Variants in RAB3C observed in about 807,000 individuals in gnomAD.
RAB3C encodes the protein RAB3C, member RAS oncogene family.
RAB3C carries 17 observed loss-of-function variants against 26.4 expected under a neutral mutation model. The ratio of observed to expected loss-of-function variants is 0.64; its 90% CI spans 0.44 to 0.97. RAB3C has a LOEUF of 0.97. RAB3C is among the 50% of genes least tolerant of loss of function. The pLI is 0.00. For missense variants in RAB3C, 242 were observed against 281.9 expected, an observed-to-expected ratio of 0.86 and a Z score of 1.01; for synonymous variants, 91 against 95.9, an observed-to-expected ratio of 0.95 and a Z score of 0.30.
chr5:58,620,426 A>T (rs1034402072), intron 2 of RAB3C, among the ~76,000 whole-genome samples: 1 of 152,230 alleles, frequency 6.6e-6, no homozygotes, highest in African/African-American at 2.4e-5. Flanking sequence ...GAAGTACAAT[A>T]CAAAGATTTT....
In RAB3C at chr5:58,745,413, AAAAAAAG is replaced by A. The variant is rs1364599558; in HGVS notation, c.371+19297_371+19303del. The stretch of plus-strand genomic sequence containing the variant: ...GCTTCAAAAAAAAAAAAAAAAAAAA[AAAAAAAG>A]AAAGTAGATGGGGTATAATAAGCCC... On this transcript the variant is annotated intron_variant, in intron 3 of 4. Coordinates refer to ENST00000282878, the MANE Select transcript of RAB3C (RefSeq NM_138453.4). Among the ~76,000 whole-genome samples, 442 of 150,448 alleles carry A rather than the reference AAAAAAAG, an allele frequency of 2.9e-3. 7 individuals are homozygous for A. Among genetic ancestry groups the A allele is most frequent in the African/African-American group, 0.01 (414 of 40,582 alleles).
intron 2 of RAB3C, among the ~76,000 whole-genome samples, chr5:58,642,828 A>G (rs1234004662): frequency 2.0e-5 from 3 of 152,236 alleles, no homozygotes; most frequent in Non-Finnish European, 4.4e-5. Flanking sequence ...AATCCCTGCA[A>G]AGCTAATGAA....
chr5:58,583,334 T>G, intron 1 of RAB3C, 102 bp downstream of exon 1: 2 of 1,579,608 alleles, frequency 1.3e-6, no homozygotes, highest in Non-Finnish European at 1.7e-6. Context: ...GTCTAGGCGG[T>G]CACCCGCGGA....
chr5:58,825,354 C>T (rs376618142), intron 4 of RAB3C, among the ~76,000 whole-genome samples, 192 bp downstream of exon 4: 4 of 152,036 alleles, frequency 2.6e-5, no homozygotes, highest in Admixed American at 6.6e-5. Context: ...AGAGCTCAAG[C>T]GCAATTACAG....
intron 3 of RAB3C, among the ~76,000 whole-genome samples, chr5:58,730,875 A>G (rs1404978592): frequency 6.6e-6 from 1 of 152,146 alleles, no homozygotes; most frequent in African/African-American, 2.4e-5. Flanking sequence ...ATTGACTCAC[A>G]GTTCCACATG....
At chr5:58,703,474 G>T (rs978338682) in intron 2 of RAB3C, among the ~76,000 whole-genome samples, 1 of 152,128 alleles carries the variant, frequency 6.6e-6, no homozygotes, top group African/African-American at 2.4e-5. Context: ...GAGCCACCGC[G>T]TCTGGCCATG....
chr5:58,639,343 G>A (rs943216260), intron 2 of RAB3C, among the ~76,000 whole-genome samples: 1 of 152,076 alleles, frequency 6.6e-6, no homozygotes, highest in Non-Finnish European at 1.5e-5. Context: ...GTCTTAGTCA[G>A]CTTGGGCTGC....
chr5:58,824,114 C>G (rs1262806333), intron 3 of RAB3C, among the ~76,000 whole-genome samples: 5 of 151,018 alleles, frequency 3.3e-5, no homozygotes, highest in African/African-American at 4.9e-5. Context: ...TTTTCTTAAT[C>G]CAGTCTATCA....
chr5:58,622,293 G>T (rs775730280), intron 2 of RAB3C, among the ~76,000 whole-genome samples: 40 of 152,004 alleles, frequency 2.6e-4, no homozygotes, highest in Non-Finnish European at 5.9e-5. Context: ...GTGTGCTCTG[G>T]ATTGGTTGGT....
intron 2 of RAB3C, among the ~76,000 whole-genome samples, chr5:58,636,047 G>A (rs945442388): frequency 6.6e-6 from 1 of 152,210 alleles, no homozygotes; most frequent in African/African-American, 2.4e-5. Flanking sequence ...TTAATTACCT[G>A]TTTGACTCAT....
intron 2 of RAB3C, among the ~76,000 whole-genome samples, chr5:58,642,143 T>A (rs780580188): frequency 6.6e-6 from 1 of 152,260 alleles, no homozygotes; most frequent in Non-Finnish European, 1.5e-5. Context: ...GAGCTGCATT[T>A]GCTGTCAGCC....
At chr5:58,623,416 T>C (rs533456800) in intron 2 of RAB3C, among the ~76,000 whole-genome samples, 1 of 152,318 alleles carries the variant, frequency 6.6e-6, no homozygotes, top group South Asian at 2.1e-4. Context: ...GCAAGCTTCT[T>C]AAGAAAACCA....
intron 4 of RAB3C, among the ~76,000 whole-genome samples, chr5:58,827,052 C>A (rs1743497746): frequency 1.3e-5 from 2 of 152,256 alleles, no homozygotes; most frequent in Admixed American, 1.3e-4. Flanking sequence ...TGTACGGTCT[C>A]CTGTGGCAGC....
intron 4 of RAB3C, among the ~76,000 whole-genome samples, chr5:58,835,632 C>T (rs1743729978): frequency 6.6e-6 from 1 of 152,186 alleles, no homozygotes; most frequent in Non-Finnish European, 1.5e-5. Context: ...TTCTCATTCA[C>T]ACAAACTTGC....
chr5:58,841,488 A>C (rs946182605), intron 4 of RAB3C, among the ~76,000 whole-genome samples: 2 of 152,138 alleles, frequency 1.3e-5, no homozygotes, highest in Non-Finnish European at 2.9e-5. Flanking sequence ...GGTGGACCCC[A>C]GAGGTAGCTC....
At chr5:58,697,116 C>G (rs577126205) in intron 2 of RAB3C, among the ~76,000 whole-genome samples, 1 of 152,248 alleles carries the variant, frequency 6.6e-6, no homozygotes, top group Admixed American at 6.5e-5. Flanking sequence ...GGTTCTGGTA[C>G]GTTGTGTCTT....
intron 1 of RAB3C, among the ~76,000 whole-genome samples, chr5:58,596,760 A>G (rs1424720582): frequency 9.7e-6 from 1 of 103,122 alleles, no homozygotes; most frequent in Non-Finnish European, 1.7e-5. Flanking sequence ...CATAATATAT[A>G]AATATATAAT....
chr5:58,831,801 C>G (rs1423364), intron 4 of RAB3C, among the ~76,000 whole-genome samples: 82,592 of 151,854 alleles, frequency 0.54, 22,871 homozygotes, highest in Middle Eastern at 0.72. Flanking sequence ...AAACCCAAGG[C>G]GGGGACAAGG....
At chr5:58,761,648 G>A (rs292964) in intron 3 of RAB3C, among the ~76,000 whole-genome samples, 55,038 of 151,892 alleles carry the variant, frequency 0.36, 10,278 homozygotes, top group East Asian at 0.49. Flanking sequence ...CCACACACAT[G>A]TACACACTCA....
Sources: gnomAD v4.1 joint callset for allele counts (sites outside exome capture counted in the v4.1 genomes callset) on GRCh38, gnomAD v4.1.1 for gene constraint, MANE v1.5 for transcripts, NCBI Gene and HGNC (gene_info 2026-07-23, HGNC 2026-07-21) for gene names.